The following KAZN variants were observed in gnomAD, a reference collection of about 807,000 sequenced individuals.
The protein encoded by KAZN is kazrin.
A neutral mutation model predicts 87.4 loss-of-function variants in KAZN; 40 were observed. The observed-to-expected ratio is 0.46, with a 90% confidence interval of 0.36 to 0.60. The LOEUF (loss-of-function observed/expected upper bound fraction) is 0.60, where lower values mean the gene tolerates loss of function less well. Ranked by LOEUF, KAZN falls within the 20% of genes least tolerant of loss-of-function variation. KAZN has a pLI of 0.00. For missense variants in KAZN, 898 were observed against 1,073.9 expected (o/e 0.84, Z 2.29); for synonymous variants, 466 against 458.3 (o/e 1.02, Z -0.22).
At chr1:14,046,628 G>T (rs1276877310) in intron 1 of KAZN, among the ~76,000 whole-genome samples, 5 of 152,186 alleles carry the variant, frequency 3.3e-5, no homozygotes, top group Non-Finnish European at 7.3e-5. Flanking sequence ...CTCTCAGACA[G>T]TCCCTGCACT....
chr1:13,909,098 G>A (rs1245454861), intron 1 of KAZN, among the ~76,000 whole-genome samples: 2 of 152,188 alleles, frequency 1.3e-5, no homozygotes, highest in Non-Finnish European at 2.9e-5. Context: ...ATGGGCATTG[G>A]CAGGGGGCAT....
intron 1 of KAZN, among the ~76,000 whole-genome samples, chr1:14,941,519 C>T (rs939727971): frequency 3.3e-5 from 4 of 120,770 alleles, no homozygotes; most frequent in African/African-American, 1.3e-4. Context: ...AGCAGCCTAT[C>T]TTCTAGGCCA....
chr1:14,745,099 CA>C (rs781307713), intron 1 of KAZN, among the ~76,000 whole-genome samples: 1 of 152,008 alleles, frequency 6.6e-6, no homozygotes. Flanking sequence ...ATGACCTAAC[CA>C]AAAGGTCTGG....
At chr1:14,454,352 A>G (rs1397004592) in intron 2 of KAZN, among the ~76,000 whole-genome samples, 4 of 152,334 alleles carry the variant, frequency 2.6e-5, no homozygotes, top group South Asian at 2.1e-4. Flanking sequence ...TATCCATTCA[A>G]TTGTCAAATT....
At chr1:13,925,724 G>A (rs1173254984) in intron 1 of KAZN, among the ~76,000 whole-genome samples, 1 of 152,204 alleles carries the variant, frequency 6.6e-6, no homozygotes, top group East Asian at 1.9e-4. Context: ...TGACATACAA[G>A]TTCAAGGAGC....
intron 1 of KAZN, among the ~76,000 whole-genome samples, chr1:13,993,160 A>G (rs993398923): frequency 6.6e-6 from 1 of 152,128 alleles, no homozygotes; most frequent in African/African-American, 2.4e-5. Context: ...TCCCTCTCCC[A>G]TGGGCAGGAA....
chr1:14,739,305 G>T (rs755390960), intron 1 of KAZN, among the ~76,000 whole-genome samples: 1 of 152,082 alleles, frequency 6.6e-6, no homozygotes, highest in Admixed American at 6.5e-5. Flanking sequence ...TTTTAAATCC[G>T]GGACTGTGTG....
chr1:15,000,747 AAG>A (rs1022605542), intron 2 of KAZN, among the ~76,000 whole-genome samples: 4 of 151,942 alleles, frequency 2.6e-5, no homozygotes, highest in Non-Finnish European at 4.4e-5. Context: ...AAGGCAGGGA[AAG>A]AGGGGGTGTG....
In KAZN at chr1:14,856,695, A is replaced by G. The variant is rs796791455; in HGVS notation, c.227-103989A>G. On this transcript the variant is annotated intron_variant, in intron 1 of 14. Transcript: ENST00000376030. This position sits in a 1 kb window ranked among gnomAD's most constrained non-coding sequence, Gnocchi z 5.2. ...GACCTTCTGCGAAGGAGGAACTTCT[A>G]CTTTTCATGTGTTTCCTAAATCTTG... 1.3e-5 allele frequency among the ~76,000 whole-genome samples: 2 copies of G among 152,312 alleles called. No homozygotes were observed. Among genetic ancestry groups the G allele is most frequent in the African/African-American group, 2.4e-5 (1 of 41,570 alleles).
chr1:14,719,191 G>T (rs1193673031), intron 1 of KAZN, among the ~76,000 whole-genome samples: 2 of 152,202 alleles, frequency 1.3e-5, no homozygotes, highest in South Asian at 2.1e-4. Context: ...AGTAGGCAAT[G>T]AATAAATCTT....
At chr1:14,098,133 T>TC in intron 1 of KAZN, among the ~76,000 whole-genome samples, 1 of 152,210 alleles carries the variant, frequency 6.6e-6, no homozygotes. Flanking sequence ...CTGGAGCTCT[T>TC]CCCCTTGCCT....
At chr1:14,940,859 G>A (rs917382859) in intron 1 of KAZN, among the ~76,000 whole-genome samples, 5 of 150,940 alleles carry the variant, frequency 3.3e-5, no homozygotes, top group Admixed American at 1.3e-4. Flanking sequence ...GGCCTGGCCA[G>A]GCAGGTGGAA....
intron 1 of KAZN, among the ~76,000 whole-genome samples, chr1:14,009,861 CTG>C (rs1360079630): frequency 6.6e-6 from 1 of 152,206 alleles, no homozygotes; most frequent in African/African-American, 2.4e-5. Flanking sequence ...AGAACCCACT[CTG>C]TACACACAGG....
At chr1:14,138,905 C>A (rs947116859) in intron 1 of KAZN, among the ~76,000 whole-genome samples, 2 of 152,158 alleles carry the variant, frequency 1.3e-5, no homozygotes, top group African/African-American at 2.4e-5. Flanking sequence ...ACATCACATG[C>A]CTGGTTCAGG....
At chr1:14,654,322 C>T (rs1274482830) in intron 1 of KAZN, among the ~76,000 whole-genome samples, 1 of 150,684 alleles carries the variant, frequency 6.6e-6, no homozygotes, top group East Asian at 1.9e-4. Context: ...CCAGATATTG[C>T]CAGCAATGTA....
chr1:14,553,173 G>A (rs748670565), intron 2 of KAZN, among the ~76,000 whole-genome samples: 27 of 152,090 alleles, frequency 1.8e-4, no homozygotes, highest in Non-Finnish European at 1.8e-4. Context: ...CCAGGAATTC[G>A]AGACCAGCCT....
At position 14,949,155 on chromosome 1, in the gene KAZN, A is replaced by AATAAT. The variant is rs1553161517; in HGVS notation, c.227-11528_227-11527insTAATA. ...GCAACAGAGTGAGACTCCGACTCAA[A>AATAAT]AATAATAATAATAATAATAATAATA... On this transcript the variant is annotated intron_variant, in intron 1 of 14. Transcript: ENST00000376030. The surrounding 1 kb of genome is among the most constrained non-coding windows in gnomAD (Gnocchi z 4.3). 1.1e-4 allele frequency among the ~76,000 whole-genome samples: 16 copies of AATAAT among 143,860 alleles called. 1 individual carries two copies. Among genetic ancestry groups the AATAAT allele is most frequent in the African/African-American group, 4.1e-4 (16 of 38,916 alleles). 94.4% of individuals were successfully genotyped at this position (143,860 alleles called of 152,430 possible).
chr1:14,362,552 A>G (rs1317657833), intron 2 of KAZN, among the ~76,000 whole-genome samples: 5 of 152,202 alleles, frequency 3.3e-5, no homozygotes, highest in Non-Finnish European at 4.4e-5. Flanking sequence ...GGAGGTAGGA[A>G]TCACAGGGCT....
intron 10 of KAZN, among the ~76,000 whole-genome samples, chr1:15,101,305 C>CTT (rs1373158678): frequency 6.6e-6 from 1 of 151,686 alleles, no homozygotes; most frequent in Non-Finnish European, 1.5e-5. Flanking sequence ...TTCTCTCTCT[C>CTT]TGTCTCCCTC....
Sources: allele counts gnomAD v4.1 joint callset (sites outside exome capture counted in the v4.1 genomes callset), GRCh38; gene constraint gnomAD v4.1.1; non-coding constraint Gnocchi (gnomAD v3.1); transcripts MANE v1.5; gene names NCBI Gene and HGNC (gene_info 2026-07-23, HGNC 2026-07-21).